REEP1: variants seen among roughly 807,000 people sequenced by gnomAD.
The protein encoded by REEP1 is receptor accessory protein 1.
A neutral mutation model predicts 40.3 loss-of-function variants in REEP1; 22 were observed. That is an observed-to-expected ratio of 0.55 (90% CI 0.39 to 0.78). The LOEUF is 0.78. Among genes scored for constraint, REEP1 ranks in the 30% least tolerant of loss-of-function variants. REEP1 has a pLI of 0.00. For missense variants in REEP1, 280 were observed against 361.1 expected, an observed-to-expected ratio of 0.78 and a Z score of 1.82; for synonymous variants, 116 against 139.2, an observed-to-expected ratio of 0.83 and a Z score of 1.17.
chr2:86,279,189 A>C (rs1677922426), intron 2 of REEP1, among the ~76,000 whole-genome samples: 1 of 152,176 alleles, frequency 6.6e-6, no homozygotes, highest in Non-Finnish European at 1.5e-5. Flanking sequence ...AATTCAAGCA[A>C]GTTCCCAGGT....
At chr2:86,288,358 A>G (rs1678520085) in intron 1 of REEP1, among the ~76,000 whole-genome samples, 1 of 152,132 alleles carries the variant, frequency 6.6e-6, no homozygotes, top group South Asian at 2.1e-4. Context: ...GGGTCTCGCT[A>G]CATTGCCCAG....
At chr2:86,249,708 G>A (rs1358836036) in intron 5 of REEP1, among the ~76,000 whole-genome samples, 7 of 152,078 alleles carry the variant, frequency 4.6e-5, no homozygotes, top group Non-Finnish European at 8.8e-5. Flanking sequence ...CTTTGACCAA[G>A]GCCTGAAGTG....
chr2:86,319,602 T>C (rs1680191402), intron 1 of REEP1, among the ~76,000 whole-genome samples: 2 of 151,780 alleles, frequency 1.3e-5, no homozygotes, highest in South Asian at 2.1e-4. Context: ...GGCTGAGGCA[T>C]GAGAATCACT....
chr2:86,297,596 G>T, intron 1 of REEP1: 1 of 579,524 alleles, frequency 1.7e-6, no homozygotes, highest in Non-Finnish European at 2.2e-6. Context: ...CCACCTAGCT[G>T]GGAGACCAAG....
intron 1 of REEP1, among the ~76,000 whole-genome samples, chr2:86,300,506 G>A (rs1159857040): frequency 6.6e-6 from 1 of 152,174 alleles, no homozygotes; most frequent in Non-Finnish European, 1.5e-5. Flanking sequence ...GCCGTGCTTG[G>A]CCATATACAC....
intron 5 of REEP1, among the ~76,000 whole-genome samples, chr2:86,248,092 G>A (rs560785223): frequency 6.6e-6 from 1 of 152,300 alleles, no homozygotes; most frequent in Non-Finnish European, 1.5e-5. Flanking sequence ...GAAAAAAGAA[G>A]ACAGAAGGAG....
chr2:86,237,499 TTCTC>T (rs1019053357), intron 5 of REEP1, among the ~76,000 whole-genome samples: 5 of 152,284 alleles, frequency 3.3e-5, no homozygotes, highest in African/African-American at 9.6e-5. Flanking sequence ...TTTATTTTCT[TTCTC>T]TCTTTTTGTT....
upstream of REEP1, chr2:86,337,949 A>C: frequency 1.5e-6 from 2 of 1,359,152 alleles, no homozygotes; most frequent in Non-Finnish European, 2.0e-6. The surrounding 1 kb of genome is among the most constrained non-coding windows in gnomAD (Gnocchi z 5.8). Context: ...AACCTCGGGA[A>C]TCTGTCTGCA....
chr2:86,245,836 C>T (rs1358889914), intron 5 of REEP1, among the ~76,000 whole-genome samples: 10 of 150,846 alleles, frequency 6.6e-5, no homozygotes, highest in Admixed American at 2.0e-4. Context: ...GCTATCTTGG[C>T]TCACTGCAAG....
intron 1 of REEP1, among the ~76,000 whole-genome samples, chr2:86,282,994 C>T (rs1243910978): frequency 6.6e-6 from 1 of 152,180 alleles, no homozygotes; most frequent in Admixed American, 6.5e-5. Context: ...TTCTCTCCTT[C>T]TGGAGTCTTC....
chr2:86,272,369 G>T (rs990130785), intron 2 of REEP1, among the ~76,000 whole-genome samples: 2 of 152,150 alleles, frequency 1.3e-5, no homozygotes. Flanking sequence ...TCTCACTGGG[G>T]CCTCCACTTT....
intron 2 of REEP1, among the ~76,000 whole-genome samples, chr2:86,279,237 G>A (rs544466488): frequency 8.5e-5 from 13 of 152,350 alleles, no homozygotes; most frequent in Admixed American, 2.6e-4. Context: ...CACCTTGGGT[G>A]TTGAGATTAC....
intron 1 of REEP1, among the ~76,000 whole-genome samples, chr2:86,285,843 G>C (rs1678359317): frequency 6.6e-6 from 1 of 152,150 alleles, no homozygotes; most frequent in Non-Finnish European, 1.5e-5. Flanking sequence ...AACTTTCTAG[G>C]AAGTCAGAAA....
At chr2:86,221,775 C>T (rs1573987779) in intron 7 of REEP1, among the ~76,000 whole-genome samples, 1 of 152,296 alleles carries the variant, frequency 6.6e-6, no homozygotes, top group East Asian at 1.9e-4. Flanking sequence ...GAAGTCATCT[C>T]AGAGAGCTCA....
At chr2:86,256,683 A>C (rs1477331402) in intron 3 of REEP1, among the ~76,000 whole-genome samples, 3 of 152,044 alleles carry the variant, frequency 2.0e-5, no homozygotes, top group Non-Finnish European at 2.9e-5. Flanking sequence ...ATGGCTCTGC[A>C]TGGTGTGCTG....
chr2:86,231,225 C>T (rs967969139), intron 6 of REEP1, among the ~76,000 whole-genome samples: 1 of 152,030 alleles, frequency 6.6e-6, no homozygotes, highest in Non-Finnish European at 1.5e-5. Flanking sequence ...TTTTGGGATT[C>T]CATTCCTGGG....
chr2:86,276,115 G>A (rs1454930974), intron 2 of REEP1, among the ~76,000 whole-genome samples: 2 of 152,204 alleles, frequency 1.3e-5, no homozygotes. Flanking sequence ...CCAAGTGGAA[G>A]TGACAGAGGT....
chr2:86,219,822 T>C, intron 8 of REEP1, 148 bp downstream of exon 8: 2 of 502,058 alleles, frequency 4.0e-6, no homozygotes, highest in Non-Finnish European at 6.2e-6. Context: ...AGTGACTGGT[T>C]CTGCTTGTTT....
Position 86,289,700 on chromosome 2 carries a change from T to G in REEP1, c.33-7458A>C, listed in dbSNP as rs573381617. On this transcript the variant is annotated intron_variant, in intron 1 of 8. Transcript: ENST00000538924. ...GGCCTCCATTTCCTCATGTCTTCTTTAATGTCTTTTTATTATATGTTGTAA... is the reference window on the plus strand; with the variant it reads ...GGCCTCCATTTCCTCATGTCTTCTTGAATGTCTTTTTATTATATGTTGTAA... Among the ~76,000 whole-genome samples, 5 of 152,348 alleles carry G rather than the reference T, an allele frequency of 3.3e-5. No homozygotes were observed. In the South Asian group the frequency reaches 1.0e-3, roughly 32 times the overall value.
Sources: allele counts gnomAD v4.1 joint callset (sites outside exome capture counted in the v4.1 genomes callset), GRCh38; gene constraint gnomAD v4.1.1; non-coding constraint Gnocchi (gnomAD v3.1); transcripts MANE v1.5; gene names NCBI Gene and HGNC (gene_info 2026-07-23, HGNC 2026-07-21).